DDX60: variants seen among roughly 807,000 people sequenced by gnomAD.
DDX60 encodes probable ATP-dependent RNA helicase DDX60.
In DDX60, 165 loss-of-function variants were observed where a neutral mutation model predicts 212.8. The ratio of observed to expected loss-of-function variants is 0.78; its 90% confidence interval spans 0.68 to 0.88. The LOEUF (loss-of-function observed/expected upper bound fraction) is 0.88. Among genes scored for constraint, DDX60 ranks in the 40% least tolerant of loss-of-function variants. The pLI is 0.00. For missense variants in DDX60, 1,905 were observed against 2,003.9 expected (o/e 0.95, Z 0.94); for synonymous variants, 703 against 685.3 (o/e 1.03, Z -0.40).
chr4:168,290,397 C>A, intron 8 of DDX60, among the ~76,000 whole-genome samples: 1 of 149,102 alleles, frequency 6.7e-6, no homozygotes, highest in Admixed American at 6.7e-5. Context: ...GGTGCGATCT[C>A]GGCTCACTGC....
At chr4:168,231,664 C>T (rs1733459790) in intron 33 of DDX60, among the ~76,000 whole-genome samples, 1 of 151,982 alleles carries the variant, frequency 6.6e-6, no homozygotes, top group Non-Finnish European at 1.5e-5. Context: ...AATCCAGCAT[C>T]CCTTTAGGAT....
Position 168,250,963 on chromosome 4 carries a change from T to G in DDX60, c.3849A>C (p.Gly1283=), listed in dbSNP as rs374320846. 14 of 1,596,392 alleles carry G rather than the reference T, an allele frequency of 8.8e-6. No homozygotes were observed. The highest frequency in any genetic ancestry group is 1.2e-5 in the Non-Finnish European group (14 of 1,171,974). Residue 1283 remains glycine (G), a synonymous_variant, in exon 28 of 38, where the codon GGA becomes GGC. Transcript: ENST00000393743. ...KQLVEILFRK[G]YLRVVTATGT... Reference sequence around the variant, plus strand: ...AAGAAAATTCACCTACCCTAAGATATCCTTTTCTAAAGAGGATTTCAACTA... The same window carrying G: ...AAGAAAATTCACCTACCCTAAGATAGCCTTTTCTAAAGAGGATTTCAACTA...
Position 168,250,940 on chromosome 4 carries a change from G to T in DDX60, c.3858+14C>A. On this transcript the variant is annotated intron_variant, in intron 28 of 37. Coordinates refer to ENST00000393743, the MANE Select transcript of DDX60 (RefSeq NM_017631.6). ...TCACAATTTCAATTTTTAGAATGAAGAAAATTCACCTACCCTAAGATATCC... is the reference window on the plus strand; with the variant it reads ...TCACAATTTCAATTTTTAGAATGAATAAAATTCACCTACCCTAAGATATCC... 6.4e-7 allele frequency: 1 copy of T among 1,557,336 alleles called. No individual in the cohort carries two copies. Among genetic ancestry groups the T allele is most frequent in the Non-Finnish European group, 8.7e-7 (1 of 1,149,140 alleles).
chr4:168,266,420 A>G (rs1346354641), intron 22 of DDX60, among the ~76,000 whole-genome samples: 2 of 152,206 alleles, frequency 1.3e-5, no homozygotes, highest in African/African-American at 4.8e-5. Context: ...TAAAGACTAT[A>G]TGCATGTAAA....
At chr4:168,320,267 G>A (rs755371293), upstream of DDX60, among the ~76,000 whole-genome samples, 9 of 152,124 alleles carry the variant, frequency 5.9e-5, no homozygotes, top group African/African-American at 9.7e-5. Flanking sequence ...CCCCTTACCC[G>A]GGATTATCCA....
rs770393316 is a variant in DDX60, at chr4:168,243,528, A to G, written c.4164+2890T>C. The stretch of plus-strand genomic sequence containing the variant: ...AACTCAACATCACCACTCATTAGAG[A>G]AATTCAAATCAAAACCACAATGAGA... On this transcript the variant is annotated intron_variant, in intron 30 of 37. Coordinates refer to ENST00000393743, the MANE Select transcript of DDX60 (RefSeq NM_017631.6). Among the ~76,000 whole-genome samples, 75 of 152,248 alleles carry G rather than the reference A, an allele frequency of 4.9e-4. 1 individual carries two copies. The highest frequency in any genetic ancestry group is 9.3e-4 in the Non-Finnish European group (63 of 68,042).
intron 19 of DDX60, among the ~76,000 whole-genome samples, chr4:168,269,742 C>A (rs1197113844): frequency 6.6e-6 from 1 of 152,156 alleles, no homozygotes; most frequent in Non-Finnish European, 1.5e-5. Flanking sequence ...GCCGCTGCTG[C>A]CTCTCTGGCT....
At chr4:168,275,986 T>C (rs1735317729) in intron 15 of DDX60, 29 bp downstream of exon 15, 2 of 1,561,372 alleles carry the variant, frequency 1.3e-6, no homozygotes, top group Non-Finnish European at 1.7e-6. Flanking sequence ...AATTACCCTG[T>C]TGAAATTGAG....
rs148535864 is a variant in DDX60, at chr4:168,292,788, G to A, written c.883-882C>T. ...ACAAAGCAAGTGTAAGATTTCATCA[G>A]GGCACCTCCAGAAGGCCAAATAGAG... On this transcript the variant is annotated intron_variant, in intron 7 of 37. Transcript: ENST00000393743. Among the ~76,000 whole-genome samples the A allele has an allele frequency of 3.2e-4, 48 of 152,260 alleles. No homozygotes were observed. In the East Asian group the frequency reaches 8.9e-3, roughly 28 times the overall value.
At chr4:168,263,653 C>T (rs1734717206) in intron 22 of DDX60, 1 of 151,928 alleles carries the variant, frequency 6.6e-6, no homozygotes, top group South Asian at 2.1e-4. Flanking sequence ...ACAGAGATCT[C>T]CCCTGTCCCT....
rs199651048 is a variant in DDX60, at chr4:168,252,798, T to TTTTAA, written c.3558-143_3558-142insTTAAA. 321 of 443,368 alleles carry TTTTAA rather than the reference T, an allele frequency of 7.2e-4. 2 individuals carry two copies. In the East Asian group the frequency reaches 0.01, roughly 14 times the overall value. The allele number at this position is 443,368 out of a possible 1,614,324, so 27.5% of individuals were successfully genotyped here. A position where few individuals can be genotyped will look rare whatever the true frequency, so the allele number is the denominator to read the frequency against. Reference sequence around the variant, plus strand: ...CTTCCACGGCTGTGCATCTTTATTATTTTATTTTATTTTATTTTATTTTCA... The same window carrying TTTTAA: ...CTTCCACGGCTGTGCATCTTTATTATTTTAATTTATTTTATTTTATTTTATTTTCA... On this transcript the variant is annotated intron_variant, in intron 26 of 37. Coordinates refer to ENST00000393743, the MANE Select transcript of DDX60 (RefSeq NM_017631.6).
chr4:168,312,197 A>T (rs937265976), intron 1 of DDX60, among the ~76,000 whole-genome samples: 3 of 152,146 alleles, frequency 2.0e-5, no homozygotes, highest in African/African-American at 7.2e-5. Context: ...AACAGGATGG[A>T]TGACTAGGCC....
chr4:168,308,267 T>C, intron 3 of DDX60, 72 bp from the exon 4 acceptor site: 1 of 879,678 alleles, frequency 1.1e-6, no homozygotes, highest in Non-Finnish European at 1.7e-6. Flanking sequence ...ATCGTTCTTA[T>C]TAGCTCATTA....
Position 168,240,825 on chromosome 4 carries a change from A to C in DDX60, c.4165-3030T>G, listed in dbSNP as rs190105307. Among the ~76,000 whole-genome samples, 28 of 152,332 alleles carry C rather than the reference A, an allele frequency of 1.8e-4. No homozygotes were observed. The East Asian group carries it at 4.8e-3, about 26-fold the overall frequency. On this transcript the variant is annotated intron_variant, in intron 30 of 37. Transcript: ENST00000393743. ...TTAAAGACTTAAGGTACACCCCAAAATTATAAAAATTCTAGAAGATAACCT... is the reference window on the plus strand; with the variant it reads ...TTAAAGACTTAAGGTACACCCCAAACTTATAAAAATTCTAGAAGATAACCT...
chr4:168,286,991 C>T, intron 10 of DDX60, 57 bp downstream of exon 10: 2 of 1,402,320 alleles, frequency 1.4e-6, no homozygotes, highest in South Asian at 1.4e-5. Context: ...GTGGTGTTTC[C>T]TAAACACTTT....
In DDX60 at chr4:168,267,882, T is replaced by C; in HGVS notation, c.2888A>G (p.Lys963Arg). The C allele has an allele frequency of 1.9e-6, 3 of 1,613,528 alleles. No homozygotes were observed. The highest frequency in any genetic ancestry group is 2.5e-6 in the Non-Finnish European group (3 of 1,179,698). Residue 963 changes from lysine to arginine, a missense_variant, in exon 21 of 38, where the codon AAA (lysine) becomes AGA (arginine). Coordinates refer to ENST00000393743, the MANE Select transcript of DDX60 (RefSeq NM_017631.6). ...RHVGRQAGFPKDYLQVKQSYK... is the reference protein window; with the variant it reads ...RHVGRQAGFPRDYLQVKQSYK... Reference sequence around the variant, plus strand: ...CGATTGTTTTACTTGCAAGTAGTCTTTGGGAAAGCCGGCCTGACGACCCAC... The same window carrying C: ...CGATTGTTTTACTTGCAAGTAGTCTCTGGGAAAGCCGGCCTGACGACCCAC...
chr4:168,229,491 T>C lies in DDX60; in HGVS notation c.4534-3815A>G, dbSNP rs900169955. Among the ~76,000 whole-genome samples the C allele has an allele frequency of 2.6e-5, 4 of 151,952 alleles. No homozygotes were observed. The East Asian group carries it at 7.7e-4, about 29-fold the overall frequency. On this transcript the variant is annotated intron_variant, in intron 33 of 37. Transcript: ENST00000393743. ...TAACAATTTCAACCAAACACAAAGT[T>C]TCCTGGACAGAACCTGGGGCAGGGG...
chr4:168,305,134 G>A (rs1736820450), intron 5 of DDX60, among the ~76,000 whole-genome samples: 1 of 152,140 alleles, frequency 6.6e-6, no homozygotes, highest in African/African-American at 2.4e-5. Context: ...GTAACATGCT[G>A]TATAGGTTTA....
In DDX60 at chr4:168,255,757, T is replaced by C; in HGVS notation, c.3511A>G (p.Asn1171Asp). Residue 1171 changes from asparagine to aspartate, a missense_variant, in exon 26 of 38, where the codon AAC (asparagine) becomes GAC (aspartate). Coordinates refer to ENST00000393743, the MANE Select transcript of DDX60 (RefSeq NM_017631.6). ...GATTTTTTAACTTTTCGAAGTTTGT[T>C]AGCCATGACATGGGCTTCTTTATCA... ...KADKEAHVMA[N>D]KLRKVKKSIE... 6.3e-7 allele frequency: 1 copy of C among 1,595,776 alleles called. No homozygotes were observed. Among genetic ancestry groups the C allele is most frequent in the Non-Finnish European group, 8.5e-7 (1 of 1,175,452 alleles).
Sources: allele counts gnomAD v4.1 joint callset (sites outside exome capture counted in the v4.1 genomes callset), GRCh38; gene constraint gnomAD v4.1.1; transcripts MANE v1.5; gene names NCBI Gene and HGNC (gene_info 2026-07-23, HGNC 2026-07-21).